The following TAF3 variants were observed in gnomAD, a reference collection of about 807,000 sequenced individuals.
TAF3 encodes TATA-box binding protein associated factor 3.
A neutral mutation model predicts 80.6 loss-of-function variants in TAF3; 7 were observed. The observed-to-expected ratio is 0.09, with a 90% CI of 0.05 to 0.16. The LOEUF (loss-of-function observed/expected upper bound fraction) is 0.16. Ranked by LOEUF, TAF3 falls within the 10% of genes least tolerant of loss-of-function variation. The probability of loss-of-function intolerance (pLI) is 1.00; values close to 1 mark genes in which losing one functional copy is unlikely to be tolerated. For synonymous variants in TAF3, 444 were observed against 446.1 expected (o/e 1.00, Z 0.06); for missense variants, 921 against 1,140.2 (o/e 0.81, Z 2.77).
intron 1 of TAF3, among the ~76,000 whole-genome samples, chr10:7,822,407 G>C (rs1291076007): frequency 6.6e-6 from 1 of 151,776 alleles, no homozygotes; most frequent in African/African-American, 2.4e-5. Context: ...TGAAATGCCT[G>C]TTTACATTCA....
At chr10:7,893,962 A>G (rs2131165289) in intron 2 of TAF3, among the ~76,000 whole-genome samples, 1 of 152,296 alleles carries the variant, frequency 6.6e-6, no homozygotes, top group Middle Eastern at 3.4e-3. Flanking sequence ...TCCCTTCTTT[A>G]ACTTAATGTT....
In TAF3 at chr10:8,015,514, CT is replaced by C. The variant is rs1458224581; in HGVS notation, c.*764del. The C allele has an allele frequency of 2.6e-5, 4 of 152,014 alleles. No individual in the cohort carries two copies. The East Asian group carries it at 5.8e-4, about 22-fold the overall frequency. The allele number at this position is 152,014 out of a possible 1,614,324, so 9.4% of individuals were successfully genotyped here. A position where few individuals can be genotyped will look rare whatever the true frequency, so the allele number is the denominator to read the frequency against. ...AACTCTTCAGACTAAAAGATTGCCC[CT>C]AATGTAAATAATAAATATTTATGAA... On this transcript the variant is annotated 3_prime_UTR_variant, in exon 7 of 7. Transcript: ENST00000344293.
chr10:7,995,109 A>T (rs1230612647), intron 4 of TAF3, among the ~76,000 whole-genome samples: 1 of 152,188 alleles, frequency 6.6e-6, no homozygotes, highest in East Asian at 1.9e-4. Flanking sequence ...TACCACCAAG[A>T]TTATTAAATG....
intron 4 of TAF3, among the ~76,000 whole-genome samples, chr10:7,986,240 A>G (rs921747736): frequency 1.3e-5 from 2 of 151,658 alleles, no homozygotes; most frequent in African/African-American, 4.8e-5. Flanking sequence ...GATGATTCCC[A>G]TTTCTTTATT....
At chr10:7,972,959 C>T (rs1588572320) in intron 3 of TAF3, among the ~76,000 whole-genome samples, 1 of 152,086 alleles carries the variant, frequency 6.6e-6, no homozygotes, top group East Asian at 1.9e-4. Flanking sequence ...ATCAATATTA[C>T]CAGAAAAAGG....
intron 2 of TAF3, among the ~76,000 whole-genome samples, chr10:7,837,044 T>C (rs1836858243): frequency 6.6e-6 from 1 of 151,960 alleles, no homozygotes. Context: ...CTGGACAACA[T>C]AGTGAGACCT....
intron 2 of TAF3, among the ~76,000 whole-genome samples, chr10:7,828,702 TG>T (rs549759656): frequency 2.7e-4 from 37 of 139,522 alleles, no homozygotes; most frequent in Non-Finnish European, 4.7e-4. Flanking sequence ...GGGGGTCTTC[TG>T]GGGGGGTCTG....
chr10:8,006,791 A>G (rs1372825659), intron 4 of TAF3, among the ~76,000 whole-genome samples: 1 of 152,220 alleles, frequency 6.6e-6, no homozygotes, highest in Non-Finnish European at 1.5e-5. Flanking sequence ...GCTGGCAGCA[A>G]TGAGGCCAGA....
At chr10:7,890,275 A>G (rs527265223) in intron 2 of TAF3, among the ~76,000 whole-genome samples, 5 of 152,138 alleles carry the variant, frequency 3.3e-5, no homozygotes, top group Non-Finnish European at 7.3e-5. Flanking sequence ...TTTAAGATTC[A>G]GTTCATTTCA....
intron 2 of TAF3, among the ~76,000 whole-genome samples, chr10:7,885,699 A>G (rs755925404): frequency 5.0e-4 from 76 of 152,170 alleles, no homozygotes; most frequent in Non-Finnish European, 1.3e-4. Flanking sequence ...AGTCTTCATT[A>G]TCTCCCAAAT....
chr10:7,975,091 A>G (rs1377764988), intron 3 of TAF3: 3 of 302,482 alleles, frequency 9.9e-6, no homozygotes, highest in East Asian at 2.3e-4. Flanking sequence ...AAAAAAAAAA[A>G]AGAGTGAGAT....
At chr10:7,864,614 A>T (rs1242934657) in intron 2 of TAF3, among the ~76,000 whole-genome samples, 1 of 152,032 alleles carries the variant, frequency 6.6e-6, no homozygotes, top group Non-Finnish European at 1.5e-5. Flanking sequence ...TTCTTGGGTA[A>T]ATGTCCAGGA....
chr10:7,947,091 C>T (rs1838032354), intron 2 of TAF3, among the ~76,000 whole-genome samples: 1 of 152,110 alleles, frequency 6.6e-6, no homozygotes, highest in African/African-American at 2.4e-5. Flanking sequence ...CTTGCTTATA[C>T]TTTCTCTTCA....
chr10:7,839,893 G>C (rs936966565), intron 2 of TAF3, among the ~76,000 whole-genome samples: 2 of 152,192 alleles, frequency 1.3e-5, no homozygotes, highest in East Asian at 3.9e-4. Flanking sequence ...CATGTCAGCA[G>C]TCAGCATGGA....
intron 2 of TAF3, among the ~76,000 whole-genome samples, chr10:7,825,621 A>C (rs1410116741): frequency 1.3e-5 from 2 of 152,178 alleles, no homozygotes; most frequent in African/African-American, 4.8e-5. Flanking sequence ...TACTTCACTT[A>C]GTATGATGTC....
At chr10:7,881,952 A>T (rs1837366317) in intron 2 of TAF3, among the ~76,000 whole-genome samples, 1 of 152,218 alleles carries the variant, frequency 6.6e-6, no homozygotes, top group African/African-American at 2.4e-5. Context: ...GTTCTTGTAA[A>T]TTCACCAGCG....
intron 2 of TAF3, among the ~76,000 whole-genome samples, chr10:7,881,607 G>A (rs931159258): frequency 6.6e-6 from 1 of 151,992 alleles, no homozygotes; most frequent in Non-Finnish European, 1.5e-5. Context: ...AATAAAAAGA[G>A]CAAGACACCT....
intron 2 of TAF3, among the ~76,000 whole-genome samples, chr10:7,840,906 A>G (rs1207289113): frequency 6.6e-6 from 1 of 151,288 alleles, no homozygotes; most frequent in South Asian, 2.1e-4. Context: ...CTGGCGTGCA[A>G]TGGCGTGATC....
intron 4 of TAF3, among the ~76,000 whole-genome samples, chr10:7,991,205 A>G (rs181945659): frequency 3.3e-4 from 50 of 152,224 alleles, no homozygotes; most frequent in African/African-American, 1.1e-3. Flanking sequence ...ACACATATAC[A>G]TACATACACA....
Sources: allele counts gnomAD v4.1 joint callset (sites outside exome capture counted in the v4.1 genomes callset), GRCh38; gene constraint gnomAD v4.1.1; transcripts MANE v1.5; gene names NCBI Gene and HGNC (gene_info 2026-07-23, HGNC 2026-07-21).